Variants in CDH13 observed in about 807,000 individuals in gnomAD.
CDH13 encodes the protein cadherin-13.
A neutral mutation model predicts 63.8 loss-of-function variants in CDH13; 24 were observed. The observed-to-expected ratio is 0.38, with a 90% CI of 0.27 to 0.53. CDH13 has a LOEUF of 0.53. Ranked by LOEUF, CDH13 falls within the 20% of genes least tolerant of loss-of-function variation. The pLI is 0.85. For missense variants in CDH13, 1,049 were observed against 903.1 expected (o/e 1.16, Z -2.07); for synonymous variants, 503 against 355.3 (o/e 1.42, Z -4.67).
intron 7 of CDH13, among the ~76,000 whole-genome samples, chr16:83,524,755 T>C (rs902718328): frequency 1.3e-5 from 2 of 152,040 alleles, no homozygotes; most frequent in African/African-American, 2.4e-5. Context: ...CCCGGCCAAA[T>C]TGCATGTCTT....
At chr16:82,851,285 A>G (rs1191462719) in intron 1 of CDH13, among the ~76,000 whole-genome samples, 1 of 152,004 alleles carries the variant, frequency 6.6e-6, no homozygotes, top group African/African-American at 2.4e-5. Flanking sequence ...AATACAAAAA[A>G]TTAGCTGGGC....
chr16:82,675,040 T>C (rs975010780), intron 1 of CDH13, among the ~76,000 whole-genome samples: 2 of 152,158 alleles, frequency 1.3e-5, no homozygotes, highest in African/African-American at 4.8e-5. Context: ...TCTATTCTAA[T>C]ATTAATAGGA....
chr16:82,958,853 G>C (rs971795219), intron 2 of CDH13, among the ~76,000 whole-genome samples: 2 of 152,382 alleles, frequency 1.3e-5, no homozygotes, highest in African/African-American at 2.4e-5. Flanking sequence ...ACCTGGGTGA[G>C]TACTCAGCCT....
intron 5 of CDH13, among the ~76,000 whole-genome samples, chr16:83,341,989 CCACACACACACACACACACACACA>C (rs756844839): frequency 7.2e-6 from 1 of 138,072 alleles, no homozygotes; most frequent in Non-Finnish European, 1.6e-5. Context: ...GTGTCCCCTG[CCACACACACACACACACACACACA>C]CACACACACA....
chr16:82,942,765 C>G (rs1227814789), intron 2 of CDH13, among the ~76,000 whole-genome samples: 1 of 152,088 alleles, frequency 6.6e-6, no homozygotes, highest in Admixed American at 6.6e-5. Flanking sequence ...GTGATATGCC[C>G]AAGGTCACAG....
chr16:82,742,402 T>A (rs994305976), intron 1 of CDH13, among the ~76,000 whole-genome samples: 2 of 152,148 alleles, frequency 1.3e-5, no homozygotes, highest in African/African-American at 4.8e-5. Flanking sequence ...TAAAAATATT[T>A]TAAAGATATA....
chr16:83,579,662 A>G (rs553057142), intron 7 of CDH13, among the ~76,000 whole-genome samples: 78 of 152,188 alleles, frequency 5.1e-4, no homozygotes, highest in South Asian at 2.3e-3. Flanking sequence ...AACCGTATCA[A>G]TCATTTATTT....
chr16:82,954,553 G>T (rs1252186044), intron 2 of CDH13: 1 of 152,084 alleles, frequency 6.6e-6, no homozygotes, highest in Non-Finnish European at 1.5e-5. Context: ...CCCTGTGTCT[G>T]AAGGCTACCA....
intron 6 of CDH13, among the ~76,000 whole-genome samples, chr16:83,416,183 C>A (rs2071541846): frequency 6.6e-6 from 1 of 152,126 alleles, no homozygotes; most frequent in Non-Finnish European, 1.5e-5. Context: ...CAGTCATAAA[C>A]TTAACTAAGA....
rs141068651 is a variant in CDH13 at position 83,208,495 on chromosome 16, G to A, written c.484-8850G>A. On this transcript the variant is annotated intron_variant, in intron 4 of 13. Coordinates refer to ENST00000567109, the MANE Select transcript of CDH13 (RefSeq NM_001257.5). ...GTTTTTTTTTTTCCTATTTAACGTA[G>A]AGTAGAAAACATCTTCTAAATTAGC... Among the ~76,000 whole-genome samples, 897 of 151,926 alleles carry A rather than the reference G, an allele frequency of 5.9e-3. 10 individuals are homozygous for A. Among genetic ancestry groups the A allele is most frequent in the African/African-American group, 0.02 (811 of 41,400 alleles).
intron 1 of CDH13, among the ~76,000 whole-genome samples, chr16:82,668,123 C>T (rs531670822): frequency 3.3e-5 from 5 of 152,138 alleles, no homozygotes; most frequent in African/African-American, 1.2e-4. Flanking sequence ...GCCTGGGGTA[C>T]CAGTGAGTTT....
At chr16:82,867,485 T>C in intron 2 of CDH13, among the ~76,000 whole-genome samples, 1 of 152,190 alleles carries the variant, frequency 6.6e-6, no homozygotes, top group Non-Finnish European at 1.5e-5. Context: ...CCATGACCCT[T>C]AACTCTCAGC....
At chr16:83,699,469 T>C (rs1033930400) in intron 10 of CDH13, among the ~76,000 whole-genome samples, 1 of 152,160 alleles carries the variant, frequency 6.6e-6, no homozygotes, top group African/African-American at 2.4e-5. Flanking sequence ...TTCCAGAGGA[T>C]TGGAGAAGGA....
intron 4 of CDH13, among the ~76,000 whole-genome samples, chr16:83,213,904 A>G (rs149217961): frequency 6.6e-6 from 1 of 152,106 alleles, no homozygotes; most frequent in African/African-American, 2.4e-5. Context: ...AAATGCACCA[A>G]TCAGTGCTCT....
intron 6 of CDH13, among the ~76,000 whole-genome samples, chr16:83,352,936 C>G (rs2090986313): frequency 6.6e-6 from 1 of 152,138 alleles, no homozygotes; most frequent in South Asian, 2.1e-4. Context: ...GCTTTGGCAA[C>G]AATGTGGATG....
Position 83,399,771 on chromosome 16 carries a change from C to A in CDH13, c.781+54765C>A, listed in dbSNP as rs144448300. Among the ~76,000 whole-genome samples the A allele has an allele frequency of 2.5e-3, 387 of 152,280 alleles. 2 individuals carry two copies. The highest frequency in any genetic ancestry group is 8.9e-3 in the African/African-American group (371 of 41,558). On this transcript the variant is annotated intron_variant, in intron 6 of 13. Coordinates refer to ENST00000567109, the MANE Select transcript of CDH13 (RefSeq NM_001257.5). ...CTAGACTCTGGGCTCCAGGAGAGCACAGACTCCTTTGCTTTGTCCTCACCA... is the reference window on the plus strand; with the variant it reads ...CTAGACTCTGGGCTCCAGGAGAGCAAAGACTCCTTTGCTTTGTCCTCACCA...
chr16:83,455,296 G>A (rs1567683906), intron 6 of CDH13, among the ~76,000 whole-genome samples: 1 of 152,092 alleles, frequency 6.6e-6, no homozygotes, highest in Non-Finnish European at 1.5e-5. Flanking sequence ...CTCTAAACCT[G>A]CCCCTGATGA....
chr16:83,498,193 G>A (rs930899906), intron 7 of CDH13, among the ~76,000 whole-genome samples: 11 of 152,188 alleles, frequency 7.2e-5, no homozygotes, highest in East Asian at 1.9e-4. Context: ...AAGGGGAGAC[G>A]GAGATGGGAA....
chr16:83,626,138 G>A (rs773901364), intron 8 of CDH13, among the ~76,000 whole-genome samples: 4 of 151,974 alleles, frequency 2.6e-5, no homozygotes, highest in East Asian at 1.9e-4. Context: ...AGCCTCCTGC[G>A]TAGCTGGGGC....
Sources: gnomAD v4.1 joint callset for allele counts (sites outside exome capture counted in the v4.1 genomes callset) on GRCh38, gnomAD v4.1.1 for gene constraint, MANE v1.5 for transcripts, NCBI Gene and HGNC (gene_info 2026-07-23, HGNC 2026-07-21) for gene names.